CTNNA3: variants seen among roughly 807,000 people sequenced by gnomAD.
CTNNA3 encodes catenin alpha 3, also known as catenin alpha-3.
A neutral mutation model predicts 95.7 loss-of-function variants in CTNNA3; 76 were observed. The ratio of observed to expected loss-of-function variants is 0.79; its 90% CI spans 0.66 to 0.96. The LOEUF (loss-of-function observed/expected upper bound fraction) is 0.96, where lower values mean the gene tolerates loss of function less well. Ranked by LOEUF, CTNNA3 falls within the 40% of genes least tolerant of loss-of-function variation. The pLI is 0.00. For missense variants in CTNNA3, 1,191 were observed against 1,089.8 expected, an observed-to-expected ratio of 1.09 and a Z score of -1.31; for synonymous variants, 431 against 374.4, an observed-to-expected ratio of 1.15 and a Z score of -1.74.
At chr10:67,330,199 G>A (rs1841722852) in intron 5 of CTNNA3, among the ~76,000 whole-genome samples, 1 of 152,182 alleles carries the variant, frequency 6.6e-6, no homozygotes, top group Non-Finnish European at 1.5e-5. Flanking sequence ...AGAAGACAAG[G>A]ACAATTCATA....
intron 11 of CTNNA3, among the ~76,000 whole-genome samples, chr10:66,515,982 T>C (rs763044453): frequency 1.4e-5 from 2 of 145,816 alleles, no homozygotes; most frequent in Admixed American, 7.2e-5. Flanking sequence ...CTGTAACTTT[T>C]CTAAGAAAAT....
chr10:66,321,935 T>G lies in CTNNA3; in HGVS notation c.1733-41314A>C, dbSNP rs921133275. ...GGAGTAGACACATGAGTCAGATGGATTATATCCAAGTTGGCATTTAAAGGT... is the reference window on the plus strand; with the variant it reads ...GGAGTAGACACATGAGTCAGATGGAGTATATCCAAGTTGGCATTTAAAGGT... On this transcript the variant is annotated intron_variant, in intron 12 of 17. Transcript: ENST00000433211. Among the ~76,000 whole-genome samples the G allele has an allele frequency of 5.3e-5, 8 of 152,096 alleles. No homozygotes were observed. In the South Asian group the frequency reaches 1.7e-3, roughly 31 times the overall value.
intron 13 of CTNNA3, among the ~76,000 whole-genome samples, chr10:66,146,381 T>C (rs1056172632): frequency 9.9e-5 from 15 of 152,262 alleles, no homozygotes; most frequent in African/African-American, 3.6e-4. Context: ...TAATAGATAC[T>C]TTATTTAACA....
chr10:66,278,190 TA>T (rs61272536), intron 13 of CTNNA3, among the ~76,000 whole-genome samples: 6,597 of 141,842 alleles, frequency 0.047, 284 homozygotes, highest in African/African-American at 0.11. Flanking sequence ...GCATACAAGA[TA>T]AAAAAAAGGA....
intron 11 of CTNNA3, among the ~76,000 whole-genome samples, chr10:66,512,472 G>C (rs543006305): frequency 6.6e-6 from 1 of 152,022 alleles, no homozygotes; most frequent in South Asian, 2.1e-4. Flanking sequence ...TATTTTTGTG[G>C]TTTGGTGGTT....
At chr10:65,960,016 G>A (rs1670167) in intron 17 of CTNNA3, among the ~76,000 whole-genome samples, 122,248 of 152,128 alleles carry the variant, frequency 0.8, 49,794 homozygotes, top group African/African-American at 0.93. Context: ...CTTCTAAGCA[G>A]TGTTGAGAAA....
intron 15 of CTNNA3, among the ~76,000 whole-genome samples, chr10:65,989,443 A>G (rs2078494388): frequency 6.6e-6 from 1 of 152,196 alleles, no homozygotes; most frequent in African/African-American, 2.4e-5. Flanking sequence ...ACCTCAAGGC[A>G]AAGGTATTTT....
chr10:65,955,678 G>T (rs892708821), intron 17 of CTNNA3, among the ~76,000 whole-genome samples: 1 of 152,142 alleles, frequency 6.6e-6, no homozygotes, highest in African/African-American at 2.4e-5. Flanking sequence ...CTGTTTGTGT[G>T]ATGGATTACG....
chr10:67,755,143 T>C (rs762364296), intron 1 of CTNNA3, among the ~76,000 whole-genome samples: 1 of 151,328 alleles, frequency 6.6e-6, no homozygotes, highest in African/African-American at 2.4e-5. Context: ...CGGTGACCTA[T>C]GATCACTCCA....
At chr10:66,695,295 G>A (rs1273506365) in intron 9 of CTNNA3, among the ~76,000 whole-genome samples, 1 of 152,142 alleles carries the variant, frequency 6.6e-6, no homozygotes, top group African/African-American at 2.4e-5. Context: ...AGCAAGGCTG[G>A]GAATCTTTGG....
intron 11 of CTNNA3, among the ~76,000 whole-genome samples, chr10:66,484,009 G>A (rs912866177): frequency 1.4e-4 from 22 of 152,030 alleles, no homozygotes; most frequent in African/African-American, 4.6e-4. Context: ...GGTAAAAAAT[G>A]AGAACTACCT....
intron 7 of CTNNA3, among the ~76,000 whole-genome samples, chr10:66,788,364 C>G (rs982719412): frequency 2.0e-5 from 3 of 152,062 alleles, no homozygotes; most frequent in Non-Finnish European, 2.9e-5. Context: ...AGGACTGATA[C>G]AGCAGCACAA....
At chr10:67,087,410 C>T (rs963954959) in intron 7 of CTNNA3, among the ~76,000 whole-genome samples, 8 of 151,728 alleles carry the variant, frequency 5.3e-5, no homozygotes, top group Non-Finnish European at 8.8e-5. Context: ...TAACATTTTG[C>T]AATTTATAGG....
intron 15 of CTNNA3, among the ~76,000 whole-genome samples, chr10:66,013,288 T>A (rs1306861472): frequency 6.6e-6 from 1 of 152,226 alleles, no homozygotes; most frequent in Admixed American, 6.5e-5. Context: ...TTTAAATAGT[T>A]TAGCATATTA....
At chr10:66,557,049 T>C (rs988124197) in intron 10 of CTNNA3, among the ~76,000 whole-genome samples, 4 of 152,078 alleles carry the variant, frequency 2.6e-5, no homozygotes, top group Non-Finnish European at 4.4e-5. Context: ...CAATTTTTTT[T>C]CATTTTCATA....
rs561635892 is a variant in CTNNA3, at chr10:66,365,611, T to C, written c.1732+13541A>G. The stretch of plus-strand genomic sequence containing the variant: ...TCCAGAGTATAAGCCATTTAGAAGT[T>C]GTAGTAGGCAGCCTGTAACATTGTC... On this transcript the variant is annotated intron_variant, in intron 12 of 17. Transcript: ENST00000433211. Among the ~76,000 whole-genome samples, 9 of 152,288 alleles carry C rather than the reference T, an allele frequency of 5.9e-5. No homozygotes were observed. The East Asian group carries it at 9.7e-4, about 16-fold the overall frequency.
chr10:67,207,878 C>T (rs937307102), intron 6 of CTNNA3, among the ~76,000 whole-genome samples: 1 of 152,148 alleles, frequency 6.6e-6, no homozygotes, highest in African/African-American at 2.4e-5. Context: ...ACCTCATCAT[C>T]AGAGTATGTC....
At chr10:66,498,402 C>T (rs1273102888) in intron 11 of CTNNA3, among the ~76,000 whole-genome samples, 1 of 152,040 alleles carries the variant, frequency 6.6e-6, no homozygotes, top group Non-Finnish European at 1.5e-5. Context: ...GTTATATTAA[C>T]AGTGTGGCAA....
rs41307526 is a variant in CTNNA3, at chr10:65,920,855, A to G, written c.2401-238T>C. 2.3e-3 allele frequency among the ~76,000 whole-genome samples: 357 copies of G among 152,238 alleles called. 2 individuals carry two copies. The highest frequency in any genetic ancestry group is 4.0e-3 in the Non-Finnish European group (271 of 68,014). The stretch of plus-strand genomic sequence containing the variant: ...TAAATAAATAATAAAAATAAAAATA[A>G]CTGAGCCTGATAGTCTATTAATGTC... On this transcript the variant is annotated intron_variant, in intron 17 of 17. Transcript: ENST00000433211.
Sources: gnomAD v4.1 joint callset for allele counts (sites outside exome capture counted in the v4.1 genomes callset) on GRCh38, gnomAD v4.1.1 for gene constraint, MANE v1.5 for transcripts, NCBI Gene and HGNC (gene_info 2026-07-23, HGNC 2026-07-21) for gene names.